Variants in ZFHX3 observed in about 807,000 individuals in gnomAD.
ZFHX3 encodes the protein zinc finger homeobox protein 3.
ZFHX3 carries 42 observed loss-of-function variants against 279.1 expected under a neutral mutation model. The ratio of observed to expected loss-of-function variants is 0.15; its 90% CI spans 0.12 to 0.19. The LOEUF is 0.19. Among genes scored for constraint, ZFHX3 ranks in the 10% least tolerant of loss-of-function variants. The pLI, the probability that ZFHX3 is intolerant of heterozygous loss-of-function variation, is 1.00. For synonymous variants in ZFHX3, 2,293 were observed against 1,957.8 expected (o/e 1.17, Z -4.52); for missense variants, 4,981 against 4,754.0 (o/e 1.05, Z -1.40).
At chr16:73,121,360 G>C (rs1966496629) in intron 7 of ZFHX3, among the ~76,000 whole-genome samples, 1 of 152,084 alleles carries the variant, frequency 6.6e-6, no homozygotes. Flanking sequence ...ATATTGGGTT[G>C]AATAAAATAT....
chr16:73,248,430 G>T (rs1026782266), intron 5 of ZFHX3, among the ~76,000 whole-genome samples: 1 of 151,018 alleles, frequency 6.6e-6, no homozygotes, highest in South Asian at 2.1e-4. Flanking sequence ...ATGTGTCTTT[G>T]TGTCTATGTG....
intron 2 of ZFHX3, among the ~76,000 whole-genome samples, chr16:72,956,664 C>T (rs1251460624): frequency 2.0e-5 from 3 of 152,118 alleles, no homozygotes; most frequent in Admixed American, 2.0e-4. Flanking sequence ...GCGAAGGCTC[C>T]GCTAACCAGG....
intron 1 of ZFHX3, among the ~76,000 whole-genome samples, chr16:73,730,499 T>C (rs1416458623): frequency 6.6e-6 from 1 of 152,068 alleles, no homozygotes; most frequent in East Asian, 1.9e-4. Context: ...AATCAGACCA[T>C]TCCTTTGAAG....
intron 8 of ZFHX3, among the ~76,000 whole-genome samples, chr16:73,074,043 ACTT>A (rs1214276432): frequency 6.6e-6 from 1 of 152,192 alleles, no homozygotes. Flanking sequence ...TGTGCTCTTC[ACTT>A]CTTATCAGTT....
chr16:73,160,699 T>G (rs1321211335), intron 5 of ZFHX3, among the ~76,000 whole-genome samples: 1 of 152,114 alleles, frequency 6.6e-6, no homozygotes, highest in Non-Finnish European at 1.5e-5. Context: ...ATATTTGGAT[T>G]GCTTTACCCT....
At chr16:72,842,698 T>G (rs573885464) in intron 4 of ZFHX3, among the ~76,000 whole-genome samples, 2 of 152,272 alleles carry the variant, frequency 1.3e-5, no homozygotes, top group East Asian at 3.9e-4. Context: ...CCAGGTAAGG[T>G]TATATCTTAA....
intron 2 of ZFHX3, among the ~76,000 whole-genome samples, chr16:73,553,439 A>G (rs560759389): frequency 6.6e-6 from 1 of 152,220 alleles, no homozygotes; most frequent in South Asian, 2.1e-4. Context: ...CACGACACCA[A>G]TGTGTGACAG....
chr16:72,883,896 G>GA (rs2038558449), intron 4 of ZFHX3, among the ~76,000 whole-genome samples: 1 of 152,096 alleles, frequency 6.6e-6, no homozygotes, highest in Admixed American at 6.5e-5. Flanking sequence ...CAGTAAAAAG[G>GA]AAAGGAGAAA....
At chr16:73,107,993 C>G (rs542651181) in intron 7 of ZFHX3, among the ~76,000 whole-genome samples, 2 of 152,234 alleles carry the variant, frequency 1.3e-5, no homozygotes, top group African/African-American at 2.4e-5. Flanking sequence ...AACCCAGTCT[C>G]TACTAAAAAT....
chr16:72,797,940 G>A lies in ZFHX3; in HGVS notation c.4742C>T (p.Ala1581Val), dbSNP rs1039950300. 3.1e-6 allele frequency: 5 copies of A among 1,614,104 alleles called. No homozygotes were observed. The highest frequency in any genetic ancestry group is 4.2e-6 in the Non-Finnish European group (5 of 1,180,038). ...HKLKRALQESATGQPEPTSSP... is the reference protein window; with the variant it reads ...HKLKRALQESVTGQPEPTSSP... ...GCTGGTGGGTTCTGGCTGACCGGTT[G>A]CTGATTCTTGAAGGGCTCTCTTTAA... Residue 1581 changes from alanine (A) to valine (V), a missense_variant, in exon 9 of 10, where the codon GCA becomes GTA. Physicochemically the swap from Ala to Val is moderately conservative, Grantham distance 64. Coordinates refer to ENST00000268489, the MANE Select transcript of ZFHX3 (RefSeq NM_006885.4).
intron 1 of ZFHX3, among the ~76,000 whole-genome samples, chr16:73,795,579 C>T (rs938305157): frequency 2.0e-5 from 3 of 151,396 alleles, no homozygotes; most frequent in African/African-American, 7.3e-5. Flanking sequence ...CTTTCTATCT[C>T]ATTAAAACCC....
intron 2 of ZFHX3, among the ~76,000 whole-genome samples, chr16:73,595,813 C>T (rs911331933): frequency 6.6e-6 from 1 of 152,070 alleles, no homozygotes; most frequent in Non-Finnish European, 1.5e-5. Context: ...CATTTGGTTA[C>T]CTATGCCTGA....
intron 5 of ZFHX3, among the ~76,000 whole-genome samples, chr16:73,225,363 C>T (rs941075476): frequency 3.3e-5 from 5 of 152,092 alleles, no homozygotes; most frequent in African/African-American, 1.2e-4. Context: ...CACTTGTAAT[C>T]CCAGCACCTT....
At chr16:73,017,045 G>A (rs1964125061) in intron 1 of ZFHX3, among the ~76,000 whole-genome samples, 4 of 151,978 alleles carry the variant, frequency 2.6e-5, no homozygotes, top group African/African-American at 9.7e-5. Context: ...AGGCAATATG[G>A]CAAGACCTCA....
At chr16:73,737,963 G>T (rs1013614445) in intron 1 of ZFHX3, among the ~76,000 whole-genome samples, 3 of 152,268 alleles carry the variant, frequency 2.0e-5, no homozygotes, top group African/African-American at 2.4e-5. Context: ...CTGATAAAAG[G>T]TTTGGTGGGG....
At chr16:73,645,287 G>A (rs935754705) in intron 2 of ZFHX3, among the ~76,000 whole-genome samples, 6 of 151,966 alleles carry the variant, frequency 3.9e-5, no homozygotes, top group Non-Finnish European at 8.8e-5. Context: ...ACGGAGTCTC[G>A]CTCTGTCACC....
intron 4 of ZFHX3, among the ~76,000 whole-genome samples, chr16:73,268,917 C>T (rs2144977536): frequency 6.6e-6 from 1 of 152,294 alleles, no homozygotes; most frequent in South Asian, 2.1e-4. Context: ...GGACACTCCA[C>T]AGAGGTGCAG....
intron 3 of ZFHX3, among the ~76,000 whole-genome samples, chr16:73,325,692 C>CAAGCCA (rs1288378502): frequency 6.6e-6 from 1 of 152,006 alleles, no homozygotes; most frequent in Admixed American, 6.6e-5. Flanking sequence ...CTAATTTATC[C>CAAGCCA]ATGCCAATTA....
At chr16:73,643,918 ATCTCCT>A (rs2142158530) in intron 2 of ZFHX3, among the ~76,000 whole-genome samples, 1 of 152,248 alleles carries the variant, frequency 6.6e-6, no homozygotes, top group African/African-American at 2.4e-5. Flanking sequence ...AATCCACACC[ATCTCCT>A]TCTAAGTCTT....
Sources: gnomAD v4.1 joint callset for allele counts (sites outside exome capture counted in the v4.1 genomes callset) on GRCh38, gnomAD v4.1.1 for gene constraint, MANE v1.5 for transcripts, NCBI Gene and HGNC (gene_info 2026-07-23, HGNC 2026-07-21) for gene names.